Variants in SCML4 observed in about 807,000 individuals in gnomAD.
SCML4 encodes the protein sex comb on midleg-like protein 4.
A neutral mutation model predicts 41.1 loss-of-function variants in SCML4; 34 were observed. The ratio of observed to expected loss-of-function variants is 0.83; its 90% confidence interval spans 0.63 to 1.10. The LOEUF (loss-of-function observed/expected upper bound fraction) is 1.10, where lower values mean the gene tolerates loss of function less well. Ranked by LOEUF, SCML4 falls within the 50% of genes least tolerant of loss-of-function variation. SCML4 has a pLI of 0.00. For synonymous variants in SCML4, 214 were observed against 220.9 expected (o/e 0.97, Z 0.28); for missense variants, 522 against 534.1 (o/e 0.98, Z 0.22).
intron 5 of SCML4, among the ~76,000 whole-genome samples, chr6:107,743,509 A>G (rs1048445614): frequency 1.3e-5 from 2 of 152,220 alleles, no homozygotes; most frequent in African/African-American, 2.4e-5. Context: ...ATAGTTTAAG[A>G]ATATGTTTGT....
chr6:107,803,592 T>C (rs1388819282), intron 1 of SCML4, among the ~76,000 whole-genome samples: 16 of 144,338 alleles, frequency 1.1e-4, no homozygotes, highest in South Asian at 4.5e-4. Context: ...ACAATGGCGG[T>C]TTTGTGGAAT....
rs376727961 is a variant in SCML4 at position 107,745,103 on chromosome 6, C to T, written c.528G>A (p.Leu176=). 1.4e-5 allele frequency: 23 copies of T among 1,603,924 alleles called. 1 individual carries two copies. In the Middle Eastern group the frequency reaches 2.2e-3, roughly 150 times the overall value. ...CATAGCCGATGCTGTTCACCACAGG[C>T]AGGCTCCGCAGGTGCTGTTTGCCAT... is the stretch of plus-strand genomic sequence containing the variant. ...SFDGKQHLRS[L]PVVNSIGYVL... Residue 176 remains leucine (L), a synonymous_variant, in exon 5 of 8, where the codon CTG becomes CTA. Coordinates refer to ENST00000369020, the MANE Select transcript of SCML4 (RefSeq NM_198081.5).
chr6:107,717,172 A>AT lies in SCML4; in HGVS notation c.973+3530_973+3531insA, dbSNP rs1554201717. Among the ~76,000 whole-genome samples, 21 of 112,764 alleles carry AT rather than the reference A, an allele frequency of 1.9e-4. 2 individuals are homozygous for AT. The highest frequency in any genetic ancestry group is 7.0e-4 in the African/African-American group (20 of 28,528). 74.0% of individuals were successfully genotyped at this position (112,764 alleles called of 152,430 possible). A position where few individuals can be genotyped will look rare whatever the true frequency, so the allele number is the denominator to read the frequency against. On this transcript the variant is annotated intron_variant, in intron 6 of 7. Transcript: ENST00000369020. ...AAAAAAAAAAAAAAAAAAAAAAAAA[A>AT]AGCCAGGTGTGGTGGCAGGCACCTG... is the stretch of plus-strand genomic sequence containing the variant.
chr6:107,831,833 C>T, the SCML4 span, among the ~76,000 whole-genome samples: 1 of 152,156 alleles, frequency 6.6e-6, no homozygotes, highest in Non-Finnish European at 1.5e-5. Context: ...GTGGGAGGAT[C>T]ACAAGGTCAG....
chr6:107,750,459 C>G (rs1013235278), intron 2 of SCML4, among the ~76,000 whole-genome samples: 2 of 152,180 alleles, frequency 1.3e-5, no homozygotes, highest in Non-Finnish European at 2.9e-5. Context: ...TAGTTGATGA[C>G]TTGTTGATAT....
the SCML4 span, among the ~76,000 whole-genome samples, chr6:107,840,906 C>T: frequency 4.6e-5 from 7 of 152,156 alleles, no homozygotes; most frequent in Admixed American, 4.6e-4. Flanking sequence ...GCTACTCAAC[C>T]TTTCTCTGGG....
chr6:107,755,666 T>TAAAA (rs11433930), intron 2 of SCML4: 24 of 1,061,322 alleles, frequency 2.3e-5, no homozygotes, highest in East Asian at 6.1e-5. Context: ...CTTAGGTTTC[T>TAAAA]AAAAAAAAAA....
chr6:107,783,806 T>G (rs1424959284), intron 1 of SCML4, among the ~76,000 whole-genome samples: 1 of 152,228 alleles, frequency 6.6e-6, no homozygotes, highest in Non-Finnish European at 1.5e-5. Flanking sequence ...GTGAAGCCCA[T>G]CTTTGGTGAA....
chr6:107,720,355 A>C (rs533517195), intron 6 of SCML4: 46 of 1,004,760 alleles, frequency 4.6e-5, no homozygotes, highest in Non-Finnish European at 5.2e-5. Flanking sequence ...GCAGAGCCAC[A>C]AAATAGATGG....
intron 2 of SCML4, chr6:107,755,761 A>AG (rs1053639914): frequency 1.6e-5 from 7 of 432,410 alleles, no homozygotes; most frequent in African/African-American, 1.5e-4. Flanking sequence ...CTTCAATGTA[A>AG]GGAAAAAAAA....
At chr6:107,765,336 G>A (rs914403738) in intron 2 of SCML4, among the ~76,000 whole-genome samples, 2 of 152,178 alleles carry the variant, frequency 1.3e-5, no homozygotes, top group Admixed American at 1.3e-4. Context: ...TCCCCCAGGG[G>A]CTGGAGCCGG....
chr6:107,792,277 C>T (rs1453801770), intron 1 of SCML4, among the ~76,000 whole-genome samples: 1 of 152,150 alleles, frequency 6.6e-6, no homozygotes, highest in East Asian at 1.9e-4. Context: ...AGTTTTAGTT[C>T]TATTCTACCC....
chr6:107,704,456 T>C lies in SCML4; in HGVS notation c.*744A>G, dbSNP rs1421125969. The C allele has an allele frequency of 1.3e-5, 2 of 152,222 alleles. No homozygotes were observed. Among genetic ancestry groups the C allele is most frequent in the Admixed American group, 1.3e-4 (2 of 15,274 alleles). 9.4% of individuals were successfully genotyped at this position (152,222 alleles called of 1,614,324 possible). On this transcript the variant is annotated 3_prime_UTR_variant, in exon 8 of 8. Coordinates refer to ENST00000369020, the MANE Select transcript of SCML4 (RefSeq NM_198081.5). Reference sequence around the variant, plus strand: ...CTGATGGTTTCTTCCCAAGTCGCAATCTGTGGTGCTAACTGTGGAATAAAT... The same window carrying C: ...CTGATGGTTTCTTCCCAAGTCGCAACCTGTGGTGCTAACTGTGGAATAAAT...
chr6:107,822,503 C>CTTTTAT (rs1426358206), intron 1 of SCML4, among the ~76,000 whole-genome samples: 1 of 41,580 alleles, frequency 2.4e-5, no homozygotes, highest in Non-Finnish European at 3.9e-5. Context: ...TTCTTTTTTT[C>CTTTTAT]TTTTCTTTTT....
chr6:107,736,254 G>C (rs1777056523), intron 5 of SCML4, among the ~76,000 whole-genome samples: 1 of 152,194 alleles, frequency 6.6e-6, no homozygotes, highest in South Asian at 2.1e-4. Flanking sequence ...ATGAGGGCTG[G>C]GGTTTGTTCT....
At chr6:107,782,041 C>A (rs1428696441) in intron 1 of SCML4, among the ~76,000 whole-genome samples, 3 of 152,208 alleles carry the variant, frequency 2.0e-5, no homozygotes, top group African/African-American at 4.8e-5. Flanking sequence ...AGGGGTACAA[C>A]AGCCAGGGTG....
At chr6:107,823,482 C>T (rs1309371651) in intron 1 of SCML4, among the ~76,000 whole-genome samples, 3 of 152,184 alleles carry the variant, frequency 2.0e-5, no homozygotes, top group Admixed American at 6.5e-5. Flanking sequence ...GCCGCTAATA[C>T]TCCATAGTCA....
chr6:107,730,684 G>T (rs985133756), intron 5 of SCML4, among the ~76,000 whole-genome samples: 1 of 152,170 alleles, frequency 6.6e-6, no homozygotes, highest in African/African-American at 2.4e-5. Flanking sequence ...CATTTTCAAG[G>T]TTTGGCGTCC....
At chr6:107,719,553 C>A (rs978187756) in intron 6 of SCML4, 4 of 152,342 alleles carry the variant, frequency 2.6e-5, no homozygotes, top group East Asian at 1.9e-4. Flanking sequence ...GGCCTTCTTT[C>A]TTCAGCAGTT....
Sources: allele counts gnomAD v4.1 joint callset (sites outside exome capture counted in the v4.1 genomes callset), GRCh38; gene constraint gnomAD v4.1.1; transcripts MANE v1.5; gene names NCBI Gene and HGNC (gene_info 2026-07-23, HGNC 2026-07-21).